The following AKAP11 variants were observed in gnomAD, a reference collection of about 807,000 sequenced individuals.
AKAP11 encodes the protein A-kinase anchoring protein 11, also known as A-kinase anchor protein 11.
Under a neutral mutation model 146.1 loss-of-function variants are expected in AKAP11, and 36 were observed. The ratio of observed to expected loss-of-function variants is 0.25; its 90% CI spans 0.19 to 0.33. The LOEUF is 0.33. Among genes scored for constraint, AKAP11 ranks in the 10% least tolerant of loss-of-function variants. The probability of loss-of-function intolerance (pLI) is 1.00; values close to 1 mark genes in which losing one functional copy is unlikely to be tolerated. For synonymous variants in AKAP11, 780 were observed against 786.5 expected (o/e 0.99, Z 0.14); for missense variants, 2,201 against 2,197.0 (o/e 1.00, Z -0.04).
chr13:42,281,114 A>G (rs371680614), intron 1 of AKAP11, among the ~76,000 whole-genome samples: 25 of 152,372 alleles, frequency 1.6e-4, no homozygotes, highest in East Asian at 1.5e-3. Flanking sequence ...AGTTATTTGC[A>G]TAGTTAAAAC....
At chr13:42,312,430 G>A (rs1420696078) in intron 9 of AKAP11, among the ~76,000 whole-genome samples, 1 of 152,142 alleles carries the variant, frequency 6.6e-6, no homozygotes, top group South Asian at 2.1e-4. Context: ...GTATTCTGAA[G>A]AAAATGTTTG....
Position 42,298,815 on chromosome 13 carries a change from CT to C in AKAP11, c.616+23del. The C allele has an allele frequency of 1.3e-6, 2 of 1,535,470 alleles. No homozygotes were observed. Among genetic ancestry groups the C allele is most frequent in the Non-Finnish European group, 8.7e-7 (1 of 1,154,684 alleles). On this transcript the variant is annotated intron_variant, in intron 7 of 12. Coordinates refer to ENST00000025301, the MANE Select transcript of AKAP11 (RefSeq NM_016248.4). The stretch of plus-strand genomic sequence containing the variant: ...CAATGATGGTTTGTTTTTCATTAGA[CT>C]TTTTCCTAAAATAGGGAATTAAAAT...
intron 1 of AKAP11, among the ~76,000 whole-genome samples, chr13:42,283,360 CAG>C (rs944023598): frequency 1.3e-5 from 2 of 152,126 alleles, no homozygotes; most frequent in African/African-American, 2.4e-5. Flanking sequence ...ATGTGAGTCT[CAG>C]GGGCATGATT....
In AKAP11 at chr13:42,301,983, T is replaced by C; in HGVS notation, c.3237T>C (p.Cys1079=). 1 of 1,614,104 alleles carries C rather than the reference T, an allele frequency of 6.2e-7. No homozygotes were observed. Among genetic ancestry groups the C allele is most frequent in the Non-Finnish European group, 8.5e-7 (1 of 1,179,984 alleles). Reference sequence around the variant, plus strand: ...CTTTCTCATCTACAGCACTTACCTGTGTAGATGGTTTGCATGTGGAAGATA... The same window carrying C: ...CTTTCTCATCTACAGCACTTACCTGCGTAGATGGTTTGCATGTGGAAGATA... ...SHTFSSTALT[C]VDGLHVEDKQ... is the part of the protein sequence containing the mutation. Residue 1079 remains cysteine (C), a synonymous_variant, in exon 8 of 13, where the codon TGT becomes TGC. Transcript: ENST00000025301.
In AKAP11 at chr13:42,292,282, A is replaced by G. The variant is rs188337147; in HGVS notation, c.52-103A>G. On this transcript the variant is annotated intron_variant, in intron 3 of 12. Coordinates refer to ENST00000025301, the MANE Select transcript of AKAP11 (RefSeq NM_016248.4). ...TCAGTATCAAAAGGTGCCAGTGAATATTAGTTAGAGAATGAGTGACTATCT... is the reference window on the plus strand; with the variant it reads ...TCAGTATCAAAAGGTGCCAGTGAATGTTAGTTAGAGAATGAGTGACTATCT... 3.6e-5 allele frequency: 20 copies of G among 556,202 alleles called. No individual in the cohort carries two copies. In the East Asian group the frequency reaches 5.9e-4, roughly 16 times the overall value. 34.5% of individuals were successfully genotyped at this position (556,202 alleles called of 1,614,324 possible).
intron 1 of AKAP11, among the ~76,000 whole-genome samples, chr13:42,274,061 C>G (rs917133035): frequency 9.2e-5 from 14 of 152,148 alleles, no homozygotes; most frequent in African/African-American, 2.9e-4. Context: ...TTTGGCTGGT[C>G]TTCATAACCT....
chr13:42,283,033 A>G (rs1216077032), intron 1 of AKAP11, among the ~76,000 whole-genome samples: 1 of 152,212 alleles, frequency 6.6e-6, no homozygotes, highest in Non-Finnish European at 1.5e-5. Flanking sequence ...ATTATATAAG[A>G]TGCTAAAGAA....
chr13:42,303,241 A>G lies in AKAP11; in HGVS notation c.4495A>G (p.Asn1499Asp). ...LFEKSGYEED[N>D]ECHVTPELPK... The stretch of plus-strand genomic sequence containing the variant: ...TGAAAAATCTGGATATGAAGAAGAT[A>G]ATGAGTGTCACGTTACACCAGAATT... The change falls in exon 8 of 13, where the codon AAT becomes GAT. Residue 1499 changes from asparagine to aspartate, a missense_variant. Physicochemically the swap from Asn to Asp is conservative, Grantham distance 23. Coordinates refer to ENST00000025301, the MANE Select transcript of AKAP11 (RefSeq NM_016248.4). 1.2e-6 allele frequency: 2 copies of G among 1,614,032 alleles called. No homozygotes were observed. Among genetic ancestry groups the G allele is most frequent in the African/African-American group, 1.3e-5 (1 of 75,052 alleles).
chr13:42,313,325 A>G (rs1338071507), intron 10 of AKAP11, among the ~76,000 whole-genome samples, 195 bp downstream of exon 10: 1 of 152,214 alleles, frequency 6.6e-6, no homozygotes, highest in Non-Finnish European at 1.5e-5. Flanking sequence ...CTGACATCTA[A>G]TTGCAAAATG....
In AKAP11 at chr13:42,303,433, G is replaced by A; in HGVS notation, c.4687G>A (p.Val1563Met). Residue 1563 changes from valine (V) to methionine (M), a missense_variant, in exon 8 of 13, where the codon GTG becomes ATG. By Grantham distance (21) the Val-to-Met change is conservative. This residue lies in a region of AKAP11 where 1,867 missense variants were observed against 1,833.5 expected (regional missense o/e 1.02). Transcript: ENST00000025301. Reference protein sequence around the residue: ...ELTLGSTVFRVSETTKSADRV... With the variant: ...ELTLGSTVFRMSETTKSADRV... Reference sequence around the variant, plus strand: ...AACTCTAGGATCTACAGTGTTCCGAGTGTCTGAGACCACAAAATCAGCAGA... The same window carrying A: ...AACTCTAGGATCTACAGTGTTCCGAATGTCTGAGACCACAAAATCAGCAGA... 6.2e-7 allele frequency: 1 copy of A among 1,614,156 alleles called. No homozygotes were observed. Among genetic ancestry groups the A allele is most frequent in the Non-Finnish European group, 8.5e-7 (1 of 1,180,018 alleles).
chr13:42,298,407 G>A, intron 6 of AKAP11, 126 bp from the exon 7 acceptor site: 1 of 980,456 alleles, frequency 1.0e-6, no homozygotes, highest in Non-Finnish European at 1.5e-6. Context: ...AAACCAAGGA[G>A]CTTTTCAGGA....
At chr13:42,281,791 C>CT (rs1300557477) in intron 1 of AKAP11, among the ~76,000 whole-genome samples, 1 of 151,620 alleles carries the variant, frequency 6.6e-6, no homozygotes, top group Non-Finnish European at 1.5e-5. Flanking sequence ...CAGAACCTGT[C>CT]TTATTTTACT....
At chr13:42,273,890 G>T (rs1474531675) in intron 1 of AKAP11, among the ~76,000 whole-genome samples, 6 of 152,196 alleles carry the variant, frequency 3.9e-5, no homozygotes, top group African/African-American at 1.4e-4. Flanking sequence ...GAAAATGCCA[G>T]TTGTAAATAG....
In AKAP11 at chr13:42,301,534, G is replaced by A. The variant is rs772252061; in HGVS notation, c.2788G>A (p.Glu930Lys). 4 of 1,613,998 alleles carry A rather than the reference G, an allele frequency of 2.5e-6. No individual in the cohort carries two copies. In the East Asian group the frequency reaches 8.9e-5, roughly 36 times the overall value. The part of the protein sequence containing the change: ...HCDQAVLQCS[E>K]ASSNKDMFAD... ...TGATCAGGCAGTGCTGCAATGCAGT[G>A]AAGCTAGTAGCAATAAGGACATGTT... is the stretch of plus-strand genomic sequence containing the variant. Residue 930 changes from glutamate to lysine, a missense_variant, in exon 8 of 13, where the codon GAA becomes AAA. Coordinates refer to ENST00000025301, the MANE Select transcript of AKAP11 (RefSeq NM_016248.4).
chr13:42,303,908 A>C, intron 8 of AKAP11, 45 bp downstream of exon 8: 1 of 1,517,896 alleles, frequency 6.6e-7, no homozygotes, highest in Non-Finnish European at 8.8e-7. Context: ...AATTAAAAAG[A>C]TAAATGTGAT....
Position 42,280,176 on chromosome 13 carries a change from G to A in AKAP11, c.-99-5810G>A, listed in dbSNP as rs1190794317. Among the ~76,000 whole-genome samples, 4 of 152,100 alleles carry A rather than the reference G, an allele frequency of 2.6e-5. No homozygotes were observed. The East Asian group carries it at 7.7e-4, about 29-fold the overall frequency. On this transcript the variant is annotated intron_variant, in intron 1 of 12. Transcript: ENST00000025301. ...TGCTTGGCTTTCCTGTCCCTGTATTGTGACCTGGAAGTAGCTGGCAGCCAG... is the reference window on the plus strand; with the variant it reads ...TGCTTGGCTTTCCTGTCCCTGTATTATGACCTGGAAGTAGCTGGCAGCCAG...
rs147912233 is a variant in AKAP11, at chr13:42,316,303, T to G, written c.5405-1225T>G. ...AACAACCTTCCATTACTGGTACATG[T>G]TGGCATGATGTCTGCCAGCATGCCC... On this transcript the variant is annotated intron_variant, in intron 11 of 12. Transcript: ENST00000025301. 9.6e-3 allele frequency among the ~76,000 whole-genome samples: 1,462 copies of G among 152,150 alleles called. 13 individuals carry two copies. Among genetic ancestry groups the G allele is most frequent in the South Asian group, 0.035 (167 of 4,820 alleles).
intron 12 of AKAP11, among the ~76,000 whole-genome samples, chr13:42,318,756 TTG>T (rs1381507700): frequency 6.6e-6 from 1 of 152,118 alleles, no homozygotes; most frequent in Non-Finnish European, 1.5e-5. Context: ...GGTGTGGCAG[TTG>T]TATTTAGTTA....
chr13:42,316,292 ACTGGTACATGTTGG>A (rs750909427), intron 11 of AKAP11, among the ~76,000 whole-genome samples: 67 of 152,120 alleles, frequency 4.4e-4, no homozygotes, highest in Non-Finnish European at 9.0e-4. Flanking sequence ...ACCTTCCATT[ACTGGTACATGTTGG>A]CATGATGTCT....
Sources: gnomAD v4.1 joint callset for allele counts (sites outside exome capture counted in the v4.1 genomes callset) on GRCh38, gnomAD v4.1.1 for gene constraint, gnomAD v4.1.1 regional missense constraint, MANE v1.5 for transcripts, NCBI Gene and HGNC (gene_info 2026-07-23, HGNC 2026-07-21) for gene names.